PCDHA4: variants seen among roughly 807,000 people sequenced by gnomAD.
PCDHA4 encodes protocadherin alpha-4.
In PCDHA4, 49 loss-of-function variants were observed where a neutral mutation model predicts 61.4. That is an observed-to-expected ratio of 0.80 (90% CI 0.63 to 1.01). The LOEUF (loss-of-function observed/expected upper bound fraction) is 1.01. Ranked by LOEUF, PCDHA4 falls within the 50% of genes least tolerant of loss-of-function variation. The pLI is 0.00. For missense variants in PCDHA4, 1,254 were observed against 1,235.8 expected (o/e 1.01, Z -0.22); for synonymous variants, 590 against 550.3 (o/e 1.07, Z -1.01).
At chr5:140,864,698 T>A (rs2048569561) in intron 1 of PCDHA4, 1 of 152,250 alleles carries the variant, frequency 6.6e-6, no homozygotes, top group African/African-American at 2.4e-5. Flanking sequence ...CCAGTTTAAG[T>A]TGTTGAGCTC....
At chr5:140,856,128 G>C in intron 1 of PCDHA4, 1 of 1,598,140 alleles carries the variant, frequency 6.3e-7, no homozygotes, top group Non-Finnish European at 8.6e-7. Context: ...GAGGTGGGGA[G>C]CGGCCAGCTC....
intron 1 of PCDHA4, among the ~76,000 whole-genome samples, chr5:140,838,763 C>A (rs1486404457): frequency 6.6e-6 from 1 of 151,830 alleles, no homozygotes; most frequent in Non-Finnish European, 1.5e-5. Context: ...TTTGTAGAGA[C>A]TTTGTAAAAT....
intron 1 of PCDHA4, among the ~76,000 whole-genome samples, chr5:140,923,821 G>A (rs1009668330): frequency 1.3e-5 from 2 of 152,148 alleles, no homozygotes; most frequent in African/African-American, 2.4e-5. Flanking sequence ...GAAAATAGAC[G>A]TCAGTGGCAG....
intron 1 of PCDHA4, among the ~76,000 whole-genome samples, chr5:140,912,376 G>A (rs2075897019): frequency 6.6e-6 from 1 of 151,474 alleles, no homozygotes; most frequent in African/African-American, 2.4e-5. Context: ...TTGTAAAAGG[G>A]ATTGAGTTCT....
At chr5:140,927,822 T>C in intron 1 of PCDHA4, 1 of 1,614,152 alleles carries the variant, frequency 6.2e-7, no homozygotes, top group Non-Finnish European at 8.5e-7. Context: ...AGGCATACAT[T>C]GAGGCGAGGG....
At chr5:140,982,415 A>C (rs1291195577) in intron 2 of PCDHA4, 60 bp from the exon 3 acceptor site, 1 of 1,610,020 alleles carries the variant, frequency 6.2e-7, no homozygotes, top group African/African-American at 1.3e-5. Flanking sequence ...CTGAGGGTGG[A>C]AGAAGAGATG....
At chr5:140,850,622 C>G in intron 1 of PCDHA4, 1 of 1,598,590 alleles carries the variant, frequency 6.3e-7, no homozygotes, top group Non-Finnish European at 8.6e-7. Flanking sequence ...CGGTGTCTAG[C>G]CTGTTGGTTC....
chr5:140,822,228 T>G, intron 1 of PCDHA4: 2 of 1,614,254 alleles, frequency 1.2e-6, no homozygotes, highest in Non-Finnish European at 8.5e-7. Flanking sequence ...ATTCGCGGTT[T>G]CCGCTAGAGG....
In PCDHA4 at chr5:140,830,543, C is replaced by T. The variant is rs2150187615; in HGVS notation, c.2385+20971C>T. The T allele has an allele frequency of 2.5e-6, 3 of 1,178,256 alleles. No individual in the cohort carries two copies. In the South Asian group the frequency reaches 6.5e-5, roughly 25 times the overall value. 73.0% of individuals were successfully genotyped at this position (1,178,256 alleles called of 1,614,324 possible). On this transcript the variant is annotated intron_variant, in intron 1 of 3. Transcript: ENST00000530339. ...TTATTTTAAATTTATAATTGTTTTCCTCATATTTGTCTTCTATATTTCTGT... is the reference window on the plus strand; with the variant it reads ...TTATTTTAAATTTATAATTGTTTTCTTCATATTTGTCTTCTATATTTCTGT...
chr5:140,830,347 G>T (rs1771011399), intron 1 of PCDHA4: 1 of 1,613,982 alleles, frequency 6.2e-7, no homozygotes, highest in African/African-American at 1.3e-5. Context: ...CGTACTCGCA[G>T]CAGAGGCGGC....
chr5:140,929,927 G>A (rs2086481303), intron 1 of PCDHA4: 1 of 152,202 alleles, frequency 6.6e-6, no homozygotes, highest in Non-Finnish European at 1.5e-5. Flanking sequence ...ATAAAAAACA[G>A]TGTATTCTCT....
chr5:141,009,594 C>G, intron 3 of PCDHA4, 33 bp from the exon 4 acceptor site: 1 of 1,602,468 alleles, frequency 6.2e-7, no homozygotes, highest in Non-Finnish European at 8.5e-7. Context: ...ATGTGTTGAC[C>G]CTGTTAATGA....
Position 140,850,981 on chromosome 5 carries a change from T to C in PCDHA4, c.2385+41409T>C, listed in dbSNP as rs1554145152. ...CCAGGGGCCGTTCAAATAGTTTTATTCATTTTTCTAGAAATCCAGCAGATT... is the reference window on the plus strand; with the variant it reads ...CCAGGGGCCGTTCAAATAGTTTTATCCATTTTTCTAGAAATCCAGCAGATT... On this transcript the variant is annotated intron_variant, in intron 1 of 3. Coordinates refer to ENST00000530339, the MANE Select transcript of PCDHA4 (RefSeq NM_018907.4). 1.3e-5 allele frequency: 19 copies of C among 1,453,220 alleles called. No individual in the cohort carries two copies. In the East Asian group the frequency reaches 4.5e-4, roughly 35 times the overall value. 90.0% of individuals were successfully genotyped at this position (1,453,220 alleles called of 1,614,324 possible). A position where few individuals can be genotyped will look rare whatever the true frequency, so the allele number is the denominator to read the frequency against.
At chr5:140,869,447 A>G in intron 1 of PCDHA4, 1 of 1,614,214 alleles carries the variant, frequency 6.2e-7, no homozygotes, top group Non-Finnish European at 8.5e-7. Flanking sequence ...AGGCCGCTGC[A>G]GGTTTTCCAT....
Position 140,808,713 on chromosome 5 carries a change from C to G in PCDHA4, c.1526C>G (p.Ser509Trp). ...VGERALSSYV[S>W]VHAESGKVYA... ...GAGCGCGCGCTGTCGAGCTACGTTT[C>G]GGTGCATGCGGAGAGCGGCAAGGTG... Residue 509 changes from serine (S) to tryptophan (W), a missense_variant, in exon 1 of 4, where the codon TCG becomes TGG. Coordinates refer to ENST00000530339, the MANE Select transcript of PCDHA4 (RefSeq NM_018907.4). 8 of 1,612,214 alleles carry G rather than the reference C, an allele frequency of 5.0e-6. No individual in the cohort carries two copies. Among genetic ancestry groups the G allele is most frequent in the Non-Finnish European group, 6.8e-6 (8 of 1,179,806 alleles).
chr5:140,875,426 A>G, intron 1 of PCDHA4: 1 of 1,532,482 alleles, frequency 6.5e-7, no homozygotes, highest in Non-Finnish European at 8.7e-7. Context: ...CAGGCAAGCG[A>G]TCCCTTAAAA....
At position 140,917,332 on chromosome 5, in the gene PCDHA4, G is replaced by T. The variant is rs182473611; in HGVS notation, c.2386-61617G>T. Among the ~76,000 whole-genome samples the T allele has an allele frequency of 8.2e-3, 1,196 of 145,640 alleles. 67 individuals carry two copies. The highest frequency in any genetic ancestry group is 0.021 in the African/African-American group (776 of 37,840). On this transcript the variant is annotated intron_variant, in intron 1 of 3. Transcript: ENST00000530339. ...ATTTGGTGTTCATGTGGCGGGGGAG[G>T]GGGGGGATGGTGTAGGCTTCTGTTC... is the stretch of plus-strand genomic sequence containing the variant.
chr5:140,883,004 G>A (rs1554176457), intron 1 of PCDHA4: 1 of 1,614,118 alleles, frequency 6.2e-7, no homozygotes, highest in East Asian at 2.2e-5. Flanking sequence ...TTACCAATCC[G>A]TTTATAAAGT....
chr5:140,986,385 T>C (rs1554247992), intron 3 of PCDHA4, among the ~76,000 whole-genome samples: 2 of 152,134 alleles, frequency 1.3e-5, no homozygotes, highest in Non-Finnish European at 1.5e-5. Context: ...GGAGGGACAT[T>C]AAAGGGCCAG....
Sources: gnomAD v4.1 joint callset for allele counts (sites outside exome capture counted in the v4.1 genomes callset) on GRCh38, gnomAD v4.1.1 for gene constraint, MANE v1.5 for transcripts, NCBI Gene and HGNC (gene_info 2026-07-23, HGNC 2026-07-21) for gene names.